OBI1: variants seen among roughly 807,000 people sequenced by gnomAD.
OBI1 encodes ring finger protein 219.
Under a neutral mutation model 62.4 loss-of-function variants are expected in OBI1, and 59 were observed. The observed-to-expected ratio is 0.95, with a 90% CI of 0.77 to 1.17. The LOEUF is 1.17. OBI1 is among the 50% of genes most tolerant of loss of function. The pLI is 0.00. For synonymous variants in OBI1, 302 were observed against 292.8 expected (o/e 1.03, Z -0.32); for missense variants, 875 against 830.9 (o/e 1.05, Z -0.65).
intron 1 of OBI1, 118 bp from the exon 2 acceptor site, chr13:78,645,115 A>C: frequency 1.0e-6 from 1 of 961,956 alleles, no homozygotes; most frequent in Non-Finnish European, 1.5e-6. Context: ...TTAAGAAGGG[A>C]TATCTAGCGC....
chr13:78,633,524 C>G (rs1165235444), intron 5 of OBI1, among the ~76,000 whole-genome samples: 1 of 152,118 alleles, frequency 6.6e-6, no homozygotes, highest in Admixed American at 6.5e-5. Context: ...GAAATGAAGT[C>G]CAGTGGTTGG....
At chr13:78,637,983 T>C (rs965505793) in intron 4 of OBI1, among the ~76,000 whole-genome samples, 11 of 152,188 alleles carry the variant, frequency 7.2e-5, no homozygotes, top group African/African-American at 2.7e-4. Context: ...AGAGATAAGA[T>C]TTAGTAATTT....
Position 78,659,128 on chromosome 13 carries a change from T to A in OBI1, c.-8A>T. On this transcript the variant is annotated 5_prime_UTR_variant, in exon 1 of 6. Coordinates refer to ENST00000282003, the MANE Select transcript of OBI1 (RefSeq NM_024546.4). ...CTGCACGGTCTGAGCCATGGCAGCG[T>A]TCAGAATCCCGCCAACACGGAAGTC... The A allele has an allele frequency of 6.2e-7, 1 of 1,609,110 alleles. No homozygotes were observed. Among genetic ancestry groups the A allele is most frequent in the Non-Finnish European group, 8.5e-7 (1 of 1,177,936 alleles).
chr13:78,655,623 T>A (rs1876677879), intron 1 of OBI1, among the ~76,000 whole-genome samples: 1 of 152,180 alleles, frequency 6.6e-6, no homozygotes, highest in African/African-American at 2.4e-5. Flanking sequence ...TCTTCAGATT[T>A]AATGCCCTGC....
At chr13:78,647,489 C>A (rs1876419637) in intron 1 of OBI1, among the ~76,000 whole-genome samples, 1 of 152,214 alleles carries the variant, frequency 6.6e-6, no homozygotes, top group African/African-American at 2.4e-5. Context: ...GGGCACAGTA[C>A]CTTCCCTTGA....
At chr13:78,655,330 A>G (rs1876668328) in intron 1 of OBI1, among the ~76,000 whole-genome samples, 1 of 84,092 alleles carries the variant, frequency 1.2e-5, no homozygotes, top group Non-Finnish European at 2.4e-5. Context: ...CCACTAGTTT[A>G]AGAAACAAAC....
At position 78,615,563 on chromosome 13, in the gene OBI1, G is replaced by A; in HGVS notation, c.*17C>T. 6.5e-7 allele frequency: 1 copy of A among 1,539,290 alleles called. No individual in the cohort carries two copies. The highest frequency in any genetic ancestry group is 1.2e-5 in the South Asian group (1 of 80,752). On this transcript the variant is annotated 3_prime_UTR_variant, in exon 6 of 6. Transcript: ENST00000282003. ...TTTCTCTCAGGACAAAACCACAAAT[G>A]ACACCTTTCTAATGAGTCAACTTTT... is the stretch of plus-strand genomic sequence containing the variant.
In OBI1 at chr13:78,616,611, A is replaced by C. The variant is rs372028712; in HGVS notation, c.1150T>G (p.Tyr384Asp). Residue 384 changes from tyrosine (Y) to aspartate (D), a missense_variant, in exon 6 of 6, where the codon TAT (tyrosine) becomes GAT (aspartate). By Grantham distance (160) the Tyr-to-Asp change is radical. Transcript: ENST00000282003. ...DCVPYKDEEL[Y>D]DLPAPCTPLS... is the part of the protein sequence containing the mutation. ...GGAGTACAAGGAGCTGGAAGATCATAAAGTTCTTCATCTTTGTAGGGTACA... is the reference window on the plus strand; with the variant it reads ...GGAGTACAAGGAGCTGGAAGATCATCAAGTTCTTCATCTTTGTAGGGTACA... The C allele has an allele frequency of 4.3e-6, 7 of 1,614,182 alleles. No individual in the cohort carries two copies. Among genetic ancestry groups the C allele is most frequent in the Non-Finnish European group, 5.9e-6 (7 of 1,180,024 alleles).
intron 5 of OBI1, among the ~76,000 whole-genome samples, chr13:78,623,917 T>C (rs1478547087): frequency 6.6e-6 from 1 of 152,204 alleles, no homozygotes; most frequent in African/African-American, 2.4e-5. Context: ...TGCATGAAAG[T>C]ACAGCATTGA....
intron 3 of OBI1, 70 bp downstream of exon 3, chr13:78,642,052 G>T: frequency 1.3e-6 from 1 of 753,242 alleles, no homozygotes; most frequent in Non-Finnish European, 2.3e-6. Context: ...AGAAGTCTGG[G>T]GACTGAGGTA....
At chr13:78,650,341 T>C (rs1284197072) in intron 1 of OBI1, among the ~76,000 whole-genome samples, 15 of 152,222 alleles carry the variant, frequency 9.9e-5, no homozygotes, top group Non-Finnish European at 2.9e-5. Flanking sequence ...ATAAGTATGA[T>C]AGAAACAGGA....
Position 78,635,158 on chromosome 13 carries a change from C to G in OBI1, c.590G>C (p.Arg197Thr). Residue 197 changes from arginine to threonine, a missense_variant, in exon 5 of 6, where the codon AGG becomes ACG. Arg to Thr is a moderately conservative substitution (Grantham distance 71, BLOSUM62 -1). Transcript: ENST00000282003. ...KLKLENGGLV[R>T]ENLRLKAEVD... Reference sequence around the variant, plus strand: ...TTCAGCCTTCAGTCGTAAATTCTCCCTCACCAGACCACCATTTTCCAATTT... The same window carrying G: ...TTCAGCCTTCAGTCGTAAATTCTCCGTCACCAGACCACCATTTTCCAATTT... The G allele has an allele frequency of 6.2e-7, 1 of 1,610,872 alleles. No individual in the cohort carries two copies. The highest frequency in any genetic ancestry group is 1.1e-5 in the South Asian group (1 of 90,520).
intron 4 of OBI1, among the ~76,000 whole-genome samples, chr13:78,638,272 A>G (rs765935237): frequency 2.8e-4 from 42 of 152,234 alleles, no homozygotes; most frequent in African/African-American, 9.9e-4. Context: ...AACTGAAAAA[A>G]ATGAACCAGT....
chr13:78,647,816 G>C (rs545430751), intron 1 of OBI1, among the ~76,000 whole-genome samples: 55 of 130,912 alleles, frequency 4.2e-4, no homozygotes, highest in African/African-American at 1.4e-3. Context: ...TTTGAGTCTC[G>C]TTACAAAGAG....
intron 4 of OBI1, among the ~76,000 whole-genome samples, chr13:78,635,608 T>A (rs188191659): frequency 2.0e-5 from 3 of 152,276 alleles, no homozygotes; most frequent in African/African-American, 7.2e-5. Flanking sequence ...TGAAATTGAT[T>A]TCTGGGGTGC....
intron 5 of OBI1, among the ~76,000 whole-genome samples, chr13:78,619,485 C>G (rs1875442246): frequency 6.6e-6 from 1 of 151,808 alleles, no homozygotes; most frequent in Non-Finnish European, 1.5e-5. Context: ...AAGCAGAAGT[C>G]ACTGATGGAG....
chr13:78,615,615 A>T lies in OBI1; in HGVS notation c.2146T>A (p.Ser716Thr). The T allele has an allele frequency of 1.2e-6, 2 of 1,612,480 alleles. No homozygotes were observed. Among genetic ancestry groups the T allele is most frequent in the Non-Finnish European group, 1.7e-6 (2 of 1,179,308 alleles). ...STKRKIQSSL[S>T]SASPSKATKS The stretch of plus-strand genomic sequence containing the variant: ...GTTGCTTTTGATGGGCTGGCACTGG[A>T]AAGGCTGCTCTGGATTTTTCTTTTT... The change falls in exon 6 of 6, where the codon TCC becomes ACC. Residue 716 changes from serine to threonine, a missense_variant. Coordinates refer to ENST00000282003, the MANE Select transcript of OBI1 (RefSeq NM_024546.4).
rs537026913 is a variant in OBI1, at chr13:78,615,738, T to C, written c.2023A>G (p.Met675Val). The change falls in exon 6 of 6, where the codon ATG becomes GTG. Residue 675 changes from methionine to valine, a missense_variant. Coordinates refer to ENST00000282003, the MANE Select transcript of OBI1 (RefSeq NM_024546.4). ...DQRFGSSLFKMSSEMHSLHNH... is the reference protein window; with the variant it reads ...DQRFGSSLFKVSSEMHSLHNH... Reference sequence around the variant, plus strand: ...TGAAGACTGTGCATCTCTGAGGACATCTTAAACAAAGATGACCCAAATCTT... The same window carrying C: ...TGAAGACTGTGCATCTCTGAGGACACCTTAAACAAAGATGACCCAAATCTT... 6.2e-7 allele frequency: 1 copy of C among 1,614,096 alleles called. No homozygotes were observed. The highest frequency in any genetic ancestry group is 1.3e-5 in the African/African-American group (1 of 75,042).
intron 1 of OBI1, among the ~76,000 whole-genome samples, chr13:78,650,596 G>C (rs1230854738): frequency 6.6e-6 from 1 of 152,132 alleles, no homozygotes; most frequent in Non-Finnish European, 1.5e-5. Flanking sequence ...GCCATTTATT[G>C]AGCAGTCTGA....
Sources: allele counts gnomAD v4.1 joint callset (sites outside exome capture counted in the v4.1 genomes callset), GRCh38; gene constraint gnomAD v4.1.1; transcripts MANE v1.5; gene names NCBI Gene and HGNC (gene_info 2026-07-23, HGNC 2026-07-21).